The following KAT6B variants were observed in gnomAD, a reference collection of about 807,000 sequenced individuals.
KAT6B encodes histone acetyltransferase KAT6B.
Under a neutral mutation model 187.5 loss-of-function variants are expected in KAT6B, and 10 were observed. The ratio of observed to expected loss-of-function variants is 0.05; its 90% CI spans 0.03 to 0.09. The LOEUF is 0.09. Among genes scored for constraint, KAT6B ranks in the 10% least tolerant of loss-of-function variants. KAT6B has a pLI of 1.00. For synonymous variants in KAT6B, 861 were observed against 926.8 expected, an observed-to-expected ratio of 0.93 and a Z score of 1.29; for missense variants, 1,952 against 2,558.9, an observed-to-expected ratio of 0.76 and a Z score of 5.12.
intron 3 of KAT6B, among the ~76,000 whole-genome samples, chr10:74,937,602 T>C (rs10824247): frequency 0.081 from 12,371 of 152,286 alleles, 667 homozygotes; most frequent in South Asian, 0.27. Flanking sequence ...ACAGTGATGG[T>C]GAACTTGATA....
chr10:74,939,195 C>T lies in KAT6B; in HGVS notation c.622-20775C>T, dbSNP rs1395695771. ...CAGAGTTTGGTTTACTACTCTCTGC[C>T]TGTTTGGTAGTGCTTCTACTGCTGT... On this transcript the variant is annotated intron_variant, in intron 3 of 17. Coordinates refer to ENST00000287239, the MANE Select transcript of KAT6B (RefSeq NM_012330.4). Among the ~76,000 whole-genome samples, 4 of 152,082 alleles carry T rather than the reference C, an allele frequency of 2.6e-5. 1 individual carries two copies. The highest frequency in any genetic ancestry group is 2.0e-4 in the Admixed American group (3 of 15,268).
chr10:74,944,033 G>A (rs1849904142), intron 3 of KAT6B, among the ~76,000 whole-genome samples: 1 of 152,210 alleles, frequency 6.6e-6, no homozygotes, highest in South Asian at 2.1e-4. Flanking sequence ...TCAGGTATGG[G>A]ATATTTAGTA....
chr10:74,956,472 G>A (rs1840702495), intron 3 of KAT6B, among the ~76,000 whole-genome samples: 1 of 152,134 alleles, frequency 6.6e-6, no homozygotes, highest in Non-Finnish European at 1.5e-5. Flanking sequence ...CATTGGTCAT[G>A]GGAGAAATTG....
chr10:75,000,499 C>T (rs1025755308), intron 13 of KAT6B, among the ~76,000 whole-genome samples: 1 of 151,962 alleles, frequency 6.6e-6, no homozygotes, highest in Admixed American at 6.6e-5. Flanking sequence ...TCTTTTTTAT[C>T]GGGGGCAGAC....
At position 74,975,939 on chromosome 10, in the gene KAT6B, T is replaced by TA; in HGVS notation, c.1603dup (p.Thr535AsnfsTer3). On this transcript the variant is annotated frameshift_variant, in exon 8 of 18. Coordinates refer to ENST00000287239, the MANE Select transcript of KAT6B (RefSeq NM_012330.4). LOFTEE classifies it high-confidence loss of function. ...GCAGTGTGCCCTCCCTGAGCAGCCT[T>TA]ACCACTAACAGCCAGCTGAAGGCAC... The TA allele has an allele frequency of 6.2e-7, 1 of 1,614,142 alleles. No homozygotes were observed.
At position 75,030,118 on chromosome 10, in the gene KAT6B, A is replaced by C. The variant is rs1442362206; in HGVS notation, c.5294A>C (p.Gln1765Pro). 2.5e-6 allele frequency: 4 copies of C among 1,614,256 alleles called. No individual in the cohort carries two copies. The highest frequency in any genetic ancestry group is 3.4e-6 in the Non-Finnish European group (4 of 1,180,040). Residue 1765 changes from glutamine (Q) to proline (P), a missense_variant, in exon 18 of 18, where the codon CAG becomes CCG. This residue lies in a region of KAT6B where 358 missense variants were observed against 436.3 expected (regional missense o/e 0.82). Coordinates refer to ENST00000287239, the MANE Select transcript of KAT6B (RefSeq NM_012330.4). The surrounding 1 kb of genome is among the most constrained non-coding windows in gnomAD (Gnocchi z 4.8). ...GAGAGGCCTCCGAGCAGCAGCCAGC[A>C]GCTGGCTCAGTGCAGCATGGCTGCT... ...VVERPPSSSQ[Q>P]LAQCSMAANF...
chr10:74,998,520 A>G (rs1260434627), intron 13 of KAT6B, among the ~76,000 whole-genome samples: 1 of 152,186 alleles, frequency 6.6e-6, no homozygotes, highest in African/African-American at 2.4e-5. Context: ...CACACTCATT[A>G]TTTACAACAG....
In KAT6B at chr10:74,977,378, G is replaced by A; in HGVS notation, c.2056G>A (p.Asp686Asn). 6.2e-7 allele frequency: 1 copy of A among 1,613,950 alleles called. No individual in the cohort carries two copies. The highest frequency in any genetic ancestry group is 2.2e-5 in the East Asian group (1 of 44,846). Residue 686 changes from aspartate to asparagine, a missense_variant, in exon 9 of 18, where the codon GAT (aspartate) becomes AAT (asparagine). Asp to Asn is a conservative substitution (Grantham distance 23). Around this residue, in one of 9 missense-constraint regions of KAT6B, gnomAD observed 417 missense variants for 508.9 expected, o/e 0.82. Transcript: ENST00000287239. ...AGATGTAAATGTGATTGGAAACAAG[G>A]ATGTCGTTACTGAAGAGGATTTGGA... ...SADVNVIGNK[D>N]VVTEEDLDVF... is the part of the protein sequence containing the mutation.
chr10:74,980,380 A>AT (rs958684696), intron 10 of KAT6B, among the ~76,000 whole-genome samples: 1 of 151,854 alleles, frequency 6.6e-6, no homozygotes, highest in East Asian at 1.9e-4. Context: ...AATAGATCTT[A>AT]TTTTTTTTCG....
chr10:74,848,239 TA>T (rs1842242968), intron 3 of KAT6B, among the ~76,000 whole-genome samples: 1 of 152,224 alleles, frequency 6.6e-6, no homozygotes, highest in South Asian at 2.1e-4. Context: ...TTTCTATGGC[TA>T]GGGTCTATAG....
chr10:74,835,623 T>C (rs1284672621), intron 1 of KAT6B, among the ~76,000 whole-genome samples: 2 of 152,202 alleles, frequency 1.3e-5, no homozygotes, highest in African/African-American at 4.8e-5. Flanking sequence ...CCTTCATGAC[T>C]TAATGGCTCT....
chr10:74,914,198 G>GA (rs1157506116), intron 3 of KAT6B, among the ~76,000 whole-genome samples: 120 of 130,696 alleles, frequency 9.2e-4, no homozygotes, highest in East Asian at 1.8e-3. Flanking sequence ...ACAAAAAAAA[G>GA]AAAAAAAAAA....
At chr10:74,830,182 C>T (rs531106171) in intron 1 of KAT6B, among the ~76,000 whole-genome samples, 8 of 152,018 alleles carry the variant, frequency 5.3e-5, no homozygotes, top group Non-Finnish European at 1.2e-4. Flanking sequence ...TTCCAAAGCA[C>T]CTTTAAGCAT....
intron 3 of KAT6B, among the ~76,000 whole-genome samples, chr10:74,885,043 G>T (rs1286083882): frequency 6.6e-6 from 1 of 151,920 alleles, no homozygotes; most frequent in Non-Finnish European, 1.5e-5. Context: ...TAATTTTCTT[G>T]AAAATGTAAA....
At chr10:74,881,152 C>T (rs1300734674) in intron 3 of KAT6B, among the ~76,000 whole-genome samples, 4 of 152,052 alleles carry the variant, frequency 2.6e-5, no homozygotes, top group South Asian at 2.1e-4. Flanking sequence ...TCAGGGGATC[C>T]GCCTGCCTCG....
chr10:74,917,662 T>C (rs1847791101), intron 3 of KAT6B, among the ~76,000 whole-genome samples: 1 of 152,256 alleles, frequency 6.6e-6, no homozygotes, highest in Non-Finnish European at 1.5e-5. Flanking sequence ...AAGGCCTTTG[T>C]ACTATCTCCC....
chr10:74,865,232 A>G (rs2050682311), intron 3 of KAT6B, among the ~76,000 whole-genome samples: 1 of 152,230 alleles, frequency 6.6e-6, no homozygotes, highest in South Asian at 2.1e-4. Flanking sequence ...AATGAAGAGC[A>G]TTTTGGCATA....
At chr10:74,886,913 C>T (rs184971697) in intron 3 of KAT6B, among the ~76,000 whole-genome samples, 349 of 152,162 alleles carry the variant, frequency 2.3e-3, no homozygotes, top group Middle Eastern at 6.8e-3. Flanking sequence ...GGGCCTGATA[C>T]GTGAGGTTTG....
intron 3 of KAT6B, among the ~76,000 whole-genome samples, chr10:74,890,213 T>C (rs893641768): frequency 6.6e-6 from 1 of 152,088 alleles, no homozygotes; most frequent in Non-Finnish European, 1.5e-5. Flanking sequence ...CATTTTGTAT[T>C]TTTAGTAGAG....
Sources: gnomAD v4.1 joint callset for allele counts (sites outside exome capture counted in the v4.1 genomes callset) on GRCh38, gnomAD v4.1.1 for gene constraint, gnomAD v4.1.1 regional missense constraint, Gnocchi (gnomAD v3.1) non-coding constraint, MANE v1.5 for transcripts, NCBI Gene and HGNC (gene_info 2026-07-23, HGNC 2026-07-21) for gene names.